MTMR9: variants seen among roughly 807,000 people sequenced by gnomAD.
The protein encoded by MTMR9 is myotubularin-related protein 9.
Under a neutral mutation model 69.5 loss-of-function variants are expected in MTMR9, and 39 were observed. The ratio of observed to expected loss-of-function variants is 0.56; its 90% CI spans 0.43 to 0.73. The LOEUF (loss-of-function observed/expected upper bound fraction) is 0.73. MTMR9 is among the 30% of genes least tolerant of loss of function. The pLI is 0.00. For synonymous variants in MTMR9, 354 were observed against 240.8 expected (o/e 1.47, Z -4.35); for missense variants, 900 against 671.2 (o/e 1.34, Z -3.77).
At position 11,291,485 on chromosome 8, in the gene MTMR9, G is replaced by A. The variant is rs534782806; in HGVS notation, c.183-3709G>A. ...AAAATGATAAAATAGAACTGAATCT[G>A]ACAATTGATGTGAATCATAGGAGTT... On this transcript the variant is annotated intron_variant, in intron 1 of 9. Coordinates refer to ENST00000221086, the MANE Select transcript of MTMR9 (RefSeq NM_015458.4). Among the ~76,000 whole-genome samples the A allele has an allele frequency of 1.2e-4, 18 of 152,214 alleles. No homozygotes were observed. In the South Asian group the frequency reaches 3.7e-3, roughly 32 times the overall value.
At position 11,314,810 on chromosome 8, in the gene MTMR9, A is replaced by G. The variant is rs998061718; in HGVS notation, c.972-113A>G. ...GAATGTTGTACTCAATACACTAAAT[A>G]AACTGAACTCAGTAGACTAAAATGT... On this transcript the variant is annotated intron_variant, in intron 6 of 9. Transcript: ENST00000221086. 4.1e-6 allele frequency: 4 copies of G among 975,416 alleles called. No homozygotes were observed. The African/African-American group carries it at 6.5e-5, about 16-fold the overall frequency. The allele number at this position is 975,416 out of a possible 1,614,324, so 60.4% of individuals were successfully genotyped here.
At chr8:11,290,838 G>A (rs947357187) in intron 1 of MTMR9, among the ~76,000 whole-genome samples, 5 of 150,060 alleles carry the variant, frequency 3.3e-5, no homozygotes, top group Non-Finnish European at 7.4e-5. Flanking sequence ...TCCAAAAATC[G>A]GATAGTGCTA....
chr8:11,287,782 T>C (rs1485845336), intron 1 of MTMR9, among the ~76,000 whole-genome samples: 2 of 119,922 alleles, frequency 1.7e-5, no homozygotes, highest in Admixed American at 1.0e-4. Context: ...ATATTTATTA[T>C]ATATTATATA....
chr8:11,287,843 TTTA>T (rs1169399543), intron 1 of MTMR9, among the ~76,000 whole-genome samples: 2 of 123,408 alleles, frequency 1.6e-5, no homozygotes, highest in East Asian at 2.0e-4. Flanking sequence ...CATTATATAT[TTTA>T]TTATATATGT....
downstream of MTMR9, among the ~76,000 whole-genome samples, chr8:11,332,664 T>G (rs1157265921): frequency 6.6e-6 from 1 of 152,034 alleles, no homozygotes; most frequent in Non-Finnish European, 1.5e-5. Flanking sequence ...TGCAGTGGCA[T>G]GATCTCAGCT....
At chr8:11,337,903 C>G in the MTMR9 span, among the ~76,000 whole-genome samples, 1 of 152,206 alleles carries the variant, frequency 6.6e-6, no homozygotes, top group African/African-American at 2.4e-5. Context: ...TTACTGCCAC[C>G]ACCTCTCAAG....
chr8:11,297,277 G>C (rs1799594855), intron 2 of MTMR9, among the ~76,000 whole-genome samples: 1 of 152,112 alleles, frequency 6.6e-6, no homozygotes, highest in African/African-American at 2.4e-5. Context: ...CTAAGTAAAT[G>C]GTACATAACA....
At chr8:11,298,364 C>T (rs1447162191) in intron 2 of MTMR9, among the ~76,000 whole-genome samples, 1 of 151,502 alleles carries the variant, frequency 6.6e-6, no homozygotes, top group Non-Finnish European at 1.5e-5. Flanking sequence ...CAGCCAAAGA[C>T]AGTATAGATG....
chr8:11,337,873 A>G, the MTMR9 span, among the ~76,000 whole-genome samples: 4 of 152,232 alleles, frequency 2.6e-5, no homozygotes, highest in African/African-American at 9.6e-5. Context: ...TTCACAAGAT[A>G]GTACCTGTCC....
chr8:11,310,026 A>G (rs911074940), intron 6 of MTMR9, among the ~76,000 whole-genome samples: 4 of 151,466 alleles, frequency 2.6e-5, no homozygotes, highest in African/African-American at 4.9e-5. Context: ...AAGTTTTCTT[A>G]TTTTTTCTTA....
At chr8:11,331,115 C>T (rs755188953), downstream of MTMR9, 72 of 1,593,630 alleles carry the variant, frequency 4.5e-5, no homozygotes, top group Admixed American at 1.1e-3. Context: ...AGATGGCTGG[C>T]AGTCACCCCT....
At chr8:11,339,464 G>C in the MTMR9 span, among the ~76,000 whole-genome samples, 1 of 152,200 alleles carries the variant, frequency 6.6e-6, no homozygotes, top group Non-Finnish European at 1.5e-5. Context: ...AGCAAACCCA[G>C]ATCTGTAGGC....
intron 3 of MTMR9, among the ~76,000 whole-genome samples, chr8:11,303,573 G>A (rs1799829241): frequency 1.3e-5 from 2 of 151,776 alleles, no homozygotes; most frequent in South Asian, 4.2e-4. Context: ...CACTCCAGTT[G>A]CCCAGGCTGG....
chr8:11,300,195 C>G, intron 3 of MTMR9, 47 bp downstream of exon 3: 2 of 1,594,932 alleles, frequency 1.3e-6, no homozygotes, highest in South Asian at 2.2e-5. Flanking sequence ...TAACCCAATA[C>G]CTTATTTGAC....
intron 1 of MTMR9, chr8:11,294,844 C>G (rs1799496471): frequency 6.4e-6 from 1 of 156,004 alleles, no homozygotes; most frequent in Non-Finnish European, 1.4e-5. Context: ...TAAGGGAAAT[C>G]TGAAGTGAAC....
chr8:11,304,351 TCTTA>T (rs776095935), intron 3 of MTMR9, among the ~76,000 whole-genome samples: 2 of 152,210 alleles, frequency 1.3e-5, no homozygotes, highest in Non-Finnish European at 2.9e-5. Context: ...AGTCGTACAG[TCTTA>T]CTTGTGCTTT....
At chr8:11,288,717 A>G (rs1799279025) in intron 1 of MTMR9, among the ~76,000 whole-genome samples, 1 of 152,216 alleles carries the variant, frequency 6.6e-6, no homozygotes, top group African/African-American at 2.4e-5. Context: ...CCTGCAGGCC[A>G]CAGTAATGGT....
intron 2 of MTMR9, among the ~76,000 whole-genome samples, chr8:11,295,700 A>G (rs1180107991): frequency 6.6e-6 from 1 of 152,230 alleles, no homozygotes; most frequent in African/African-American, 2.4e-5. Context: ...TTGATATTTT[A>G]TGTTCACTAT....
At chr8:11,308,051 C>G (rs545369351) in intron 5 of MTMR9, among the ~76,000 whole-genome samples, 1 of 152,152 alleles carries the variant, frequency 6.6e-6, no homozygotes, top group African/African-American at 2.4e-5. Flanking sequence ...TTTGTTCAGT[C>G]TCATTTGTCT....
Sources: gnomAD v4.1 joint callset for allele counts (sites outside exome capture counted in the v4.1 genomes callset) on GRCh38, gnomAD v4.1.1 for gene constraint, MANE v1.5 for transcripts, NCBI Gene and HGNC (gene_info 2026-07-23, HGNC 2026-07-21) for gene names.